Variants in KCNK10 observed in about 807,000 individuals in gnomAD.
KCNK10 encodes potassium channel subfamily K member 10.
In KCNK10, 25 loss-of-function variants were observed where a neutral mutation model predicts 47.7. The observed-to-expected ratio is 0.52, with a 90% CI of 0.38 to 0.73. The LOEUF (loss-of-function observed/expected upper bound fraction) is 0.73. Ranked by LOEUF, KCNK10 falls within the 30% of genes least tolerant of loss-of-function variation. KCNK10 has a pLI of 0.00. For synonymous variants in KCNK10, 303 were observed against 285.6 expected, an observed-to-expected ratio of 1.06 and a Z score of -0.61; for missense variants, 563 against 714.5, an observed-to-expected ratio of 0.79 and a Z score of 2.42.
intron 5 of KCNK10, among the ~76,000 whole-genome samples, chr14:88,191,775 C>T (rs775356834): frequency 6.6e-6 from 1 of 152,194 alleles, no homozygotes; most frequent in Admixed American, 6.5e-5. Flanking sequence ...TGCAGGACAA[C>T]GTTTGCAGAG....
At chr14:88,316,142 C>T (rs898477999) in intron 1 of KCNK10, among the ~76,000 whole-genome samples, 8 of 152,100 alleles carry the variant, frequency 5.3e-5, no homozygotes, top group East Asian at 1.9e-4. Flanking sequence ...ATGCCCACCC[C>T]TCCCCATCTC....
chr14:88,224,417 T>G (rs1009819427), intron 4 of KCNK10, among the ~76,000 whole-genome samples: 3 of 152,238 alleles, frequency 2.0e-5, no homozygotes, highest in Non-Finnish European at 4.4e-5. Flanking sequence ...AGAAGAATTC[T>G]TATTTATTCA....
At chr14:88,203,696 G>A (rs1356749122) in intron 4 of KCNK10, among the ~76,000 whole-genome samples, 1 of 152,202 alleles carries the variant, frequency 6.6e-6, no homozygotes, top group East Asian at 1.9e-4. Flanking sequence ...CTCAGCTCTA[G>A]GACAGCAGGA....
At chr14:88,317,603 T>A (rs1331883549) in intron 1 of KCNK10, among the ~76,000 whole-genome samples, 1 of 152,236 alleles carries the variant, frequency 6.6e-6, no homozygotes, top group Admixed American at 6.5e-5. Context: ...GAAACTGTCA[T>A]GGACGTAAGC....
At chr14:88,187,385 C>T (rs1426036918) in intron 6 of KCNK10, among the ~76,000 whole-genome samples, 1 of 151,738 alleles carries the variant, frequency 6.6e-6, no homozygotes, top group African/African-American at 2.4e-5. Flanking sequence ...TCTATCTTTC[C>T]TTCATATGTC....
chr14:88,221,778 T>C (rs980051406), intron 4 of KCNK10, among the ~76,000 whole-genome samples: 4 of 152,214 alleles, frequency 2.6e-5, no homozygotes, highest in African/African-American at 9.6e-5. Context: ...TATTCGTAAT[T>C]ACCAAAACTT....
rs1157761334 is a variant in KCNK10, at chr14:88,322,910, G to T, written c.-112C>A. The T allele has an allele frequency of 1.9e-6, 3 of 1,573,636 alleles. No homozygotes were observed. The highest frequency in any genetic ancestry group is 2.6e-6 in the Non-Finnish European group (3 of 1,160,550). ...CAACAAAACAATTTCCGAGGATGGG[G>T]GAGCCTTGGACTGGCTCGTGGAGGA... On this transcript the variant is annotated 5_prime_UTR_variant, in exon 1 of 7. Coordinates refer to ENST00000319231, the MANE Select transcript of KCNK10 (RefSeq NM_138317.3). The surrounding 1 kb of genome is among the most constrained non-coding windows in gnomAD (Gnocchi z 4.8).
At chr14:88,278,060 G>A (rs896192190) in intron 1 of KCNK10, among the ~76,000 whole-genome samples, 1 of 152,198 alleles carries the variant, frequency 6.6e-6, no homozygotes, top group African/African-American at 2.4e-5. Flanking sequence ...AGGCACCAAG[G>A]TGATGAGCAG....
At chr14:88,300,203 C>T (rs1888066104) in intron 1 of KCNK10, among the ~76,000 whole-genome samples, 1 of 152,160 alleles carries the variant, frequency 6.6e-6, no homozygotes. Context: ...TGCTTAAAAC[C>T]ATCTTCCTCC....
At chr14:88,256,364 A>G (rs116037901) in intron 2 of KCNK10, among the ~76,000 whole-genome samples, 1,810 of 152,202 alleles carry the variant, frequency 0.012, 35 homozygotes, top group African/African-American at 0.041. Context: ...AGGCCGCCTG[A>G]GCCCACCGGG....
At chr14:88,287,381 T>C (rs1887784846) in intron 1 of KCNK10, among the ~76,000 whole-genome samples, 1 of 152,176 alleles carries the variant, frequency 6.6e-6, no homozygotes, top group Non-Finnish European at 1.5e-5. Context: ...ATGACTAAGC[T>C]CTTTAGTGGT....
At chr14:88,282,118 A>G (rs1887663414) in intron 1 of KCNK10, among the ~76,000 whole-genome samples, 1 of 152,192 alleles carries the variant, frequency 6.6e-6, no homozygotes, top group Admixed American at 6.5e-5. Context: ...TGAATGCATG[A>G]ATGAAATCAA....
chr14:88,189,851 T>TC (rs755883790), intron 5 of KCNK10, among the ~76,000 whole-genome samples: 2 of 152,300 alleles, frequency 1.3e-5, no homozygotes, highest in African/African-American at 2.4e-5. Flanking sequence ...GAGATAAACT[T>TC]CCAGTCTTTT....
intron 1 of KCNK10, among the ~76,000 whole-genome samples, chr14:88,290,611 G>A (rs946869037): frequency 6.6e-6 from 1 of 152,140 alleles, no homozygotes; most frequent in Admixed American, 6.5e-5. Flanking sequence ...TGGAGAAATC[G>A]AGGCACAGGG....
At chr14:88,208,680 T>A (rs74074285) in intron 4 of KCNK10, among the ~76,000 whole-genome samples, 5,011 of 152,242 alleles carry the variant, frequency 0.033, 267 homozygotes, top group African/African-American at 0.11. Context: ...ATTTATTTTT[T>A]AAAAAAAATC....
At chr14:88,262,810 T>C (rs1215269707) in intron 2 of KCNK10, among the ~76,000 whole-genome samples, 2 of 152,110 alleles carry the variant, frequency 1.3e-5, no homozygotes. Context: ...CTTGGACAGG[T>C]TAATATATCC....
rs1884781046 is a variant in KCNK10, at chr14:88,192,430, AAGAT to A, written c.682-24_682-21del. 8 of 1,605,170 alleles carry A rather than the reference AAGAT, an allele frequency of 5.0e-6. No homozygotes were observed. Among genetic ancestry groups the A allele is most frequent in the Non-Finnish European group, 6.8e-6 (8 of 1,173,030 alleles). On this transcript the variant is annotated intron_variant, in intron 4 of 6. Coordinates refer to ENST00000319231, the MANE Select transcript of KCNK10 (RefSeq NM_138317.3). Reference sequence around the variant, plus strand: ...CTTTTTCTAGGAAGAGCAAAGGAGAAAGATAGGCAAGTCAGCGGCATCACCCTGG... The same window carrying A: ...CTTTTTCTAGGAAGAGCAAAGGAGAAAGGCAAGTCAGCGGCATCACCCTGG...
At chr14:88,198,828 A>G (rs1286537239) in intron 4 of KCNK10, among the ~76,000 whole-genome samples, 1 of 152,212 alleles carries the variant, frequency 6.6e-6, no homozygotes, top group Admixed American at 6.5e-5. Flanking sequence ...CACAGATATA[A>G]ACCATATTCT....
intron 3 of KCNK10, among the ~76,000 whole-genome samples, chr14:88,231,872 A>T (rs1325386845): frequency 6.6e-6 from 1 of 152,236 alleles, no homozygotes; most frequent in East Asian, 1.9e-4. Flanking sequence ...ATATCCTCAG[A>T]TAAAAGGGAT....
Sources: allele counts gnomAD v4.1 joint callset (sites outside exome capture counted in the v4.1 genomes callset), GRCh38; gene constraint gnomAD v4.1.1; non-coding constraint Gnocchi (gnomAD v3.1); transcripts MANE v1.5; gene names NCBI Gene and HGNC (gene_info 2026-07-23, HGNC 2026-07-21).